FAT4: variants seen among roughly 807,000 people sequenced by gnomAD.
The protein encoded by FAT4 is FAT atypical cadherin 4.
FAT4 carries 84 observed loss-of-function variants against 303.9 expected under a neutral mutation model. The ratio of observed to expected loss-of-function variants is 0.28; its 90% CI spans 0.23 to 0.33. The LOEUF is 0.33. FAT4 is among the 10% of genes least tolerant of loss of function. The pLI is 1.00. For synonymous variants in FAT4, 2,307 were observed against 2,298.8 expected (o/e 1.00, Z -0.10); for missense variants, 6,005 against 6,146.8 (o/e 0.98, Z 0.77).
At chr4:125,486,067 T>C (rs1727399229) in intron 16 of FAT4, among the ~76,000 whole-genome samples, 1 of 152,030 alleles carries the variant, frequency 6.6e-6, no homozygotes, top group Admixed American at 6.6e-5. Context: ...CAAGTGCTCT[T>C]TCATCAAAAA....
chr4:125,429,254 A>G (rs1725200908), intron 7 of FAT4, among the ~76,000 whole-genome samples: 1 of 152,224 alleles, frequency 6.6e-6, no homozygotes. Context: ...TCATCCATGT[A>G]GACCAGGTTT....
At chr4:125,399,036 C>G in intron 3 of FAT4, 121 bp downstream of exon 3, 1 of 795,090 alleles carries the variant, frequency 1.3e-6, no homozygotes, top group Non-Finnish European at 2.0e-6. Context: ...TGCTCCTTTC[C>G]AAAGAACATT....
At chr4:125,421,950 T>C (rs1446142283) in intron 7 of FAT4, among the ~76,000 whole-genome samples, 3 of 152,110 alleles carry the variant, frequency 2.0e-5, no homozygotes, top group African/African-American at 7.2e-5. Flanking sequence ...TATTGCTGAC[T>C]CTCTCCATGA....
At chr4:125,357,100 A>T (rs62321340) in intron 2 of FAT4, among the ~76,000 whole-genome samples, 3 of 152,080 alleles carry the variant, frequency 2.0e-5, no homozygotes, top group Non-Finnish European at 4.4e-5. Flanking sequence ...CATATAATGT[A>T]TTCCATATGT....
intron 11 of FAT4, among the ~76,000 whole-genome samples, chr4:125,466,731 C>T (rs2126074271): frequency 6.7e-6 from 1 of 150,146 alleles, no homozygotes; most frequent in South Asian, 2.1e-4. Context: ...TTTGCCTTTT[C>T]TTCAACTTTG....
intron 2 of FAT4, among the ~76,000 whole-genome samples, chr4:125,337,953 C>G (rs530849116): frequency 1.5e-3 from 221 of 152,174 alleles, no homozygotes; most frequent in Non-Finnish European, 2.8e-3. Context: ...CTTTGAGAAA[C>G]AAAACTTAAA....
Position 125,468,521 on chromosome 4 carries a change from G to A in FAT4, c.11915G>A (p.Gly3972Glu). The change falls in exon 12 of 18, where the codon GGA (glycine) becomes GAA (glutamate). Residue 3972 changes from glycine to glutamate, a missense_variant. Coordinates refer to ENST00000394329, the MANE Select transcript of FAT4 (RefSeq NM_001291303.3). ...ATTTTCCCTCCAACAGGTGTCTTTG[G>A]AAAACACTGCGAGTTGAACAGTTAT... is the stretch of plus-strand genomic sequence containing the variant. Reference protein sequence around the residue: ...YYCHCPFGVFGKHCELNSYGF... With the variant: ...YYCHCPFGVFEKHCELNSYGF... The A allele has an allele frequency of 1.3e-6, 2 of 1,526,280 alleles. No homozygotes were observed. The highest frequency in any genetic ancestry group is 1.7e-4 in the Middle Eastern group (1 of 5,734). 94.5% of individuals were successfully genotyped at this position (1,526,280 alleles called of 1,614,324 possible). A position where few individuals can be genotyped will look rare whatever the true frequency, so the allele number is the denominator to read the frequency against.
At chr4:125,480,209 G>A (rs1199086178) in intron 15 of FAT4, among the ~76,000 whole-genome samples, 1 of 151,600 alleles carries the variant, frequency 6.6e-6, no homozygotes, top group Non-Finnish European at 1.5e-5. Flanking sequence ...TGCCTTTGGG[G>A]GATATTTTTC....
In FAT4 at chr4:125,340,245, A is replaced by G. The variant is rs958644161; in HGVS notation, c.5175+18659A>G. On this transcript the variant is annotated intron_variant, in intron 2 of 17. Coordinates refer to ENST00000394329, the MANE Select transcript of FAT4 (RefSeq NM_001291303.3). The stretch of plus-strand genomic sequence containing the variant: ...GATTAATTCTCAAAACTTAATGTAC[A>G]TGAGACTCTCTTAGGTGGATATTTA... Among the ~76,000 whole-genome samples, 7 of 152,308 alleles carry G rather than the reference A, an allele frequency of 4.6e-5. 1 individual carries two copies. In the South Asian group the frequency reaches 1.2e-3, roughly 27 times the overall value.
chr4:125,424,919 G>A (rs1725037539), intron 7 of FAT4, among the ~76,000 whole-genome samples: 1 of 152,156 alleles, frequency 6.6e-6, no homozygotes, highest in Non-Finnish European at 1.5e-5. Flanking sequence ...ATGAGTCCTA[G>A]AATATTTGGA....
chr4:125,408,903 T>C (rs1734734376), intron 5 of FAT4, 109 bp downstream of exon 5: 2 of 554,182 alleles, frequency 3.6e-6, no homozygotes, highest in Admixed American at 7.0e-5. Context: ...TTTGTGAATA[T>C]AGGTTGGAAG....
intron 11 of FAT4, among the ~76,000 whole-genome samples, chr4:125,467,672 A>G (rs1369677892): frequency 2.6e-5 from 4 of 152,180 alleles, no homozygotes; most frequent in African/African-American, 9.6e-5. Flanking sequence ...AAAGACAGTT[A>G]TTTCCTTTCC....
rs143805783 is a variant in FAT4 at position 125,387,770 on chromosome 4, T to G, written c.5176-11014T>G. 1.6e-3 allele frequency among the ~76,000 whole-genome samples: 243 copies of G among 152,324 alleles called. 1 individual carries two copies. Among genetic ancestry groups the G allele is most frequent in the Non-Finnish European group, 3.0e-3 (203 of 68,018 alleles). On this transcript the variant is annotated intron_variant, in intron 2 of 17. Coordinates refer to ENST00000394329, the MANE Select transcript of FAT4 (RefSeq NM_001291303.3). ...TACAACAGATCAATATACATTAGCT[T>G]TTTACTCTTCTTTGTGCTGCTCATG...
chr4:125,452,779 C>T lies in FAT4; in HGVS notation c.11769C>T (p.Ser3923=), dbSNP rs149607784. 133 of 1,613,156 alleles carry T rather than the reference C, an allele frequency of 8.2e-5. 1 individual carries two copies. The East Asian group carries it at 2.9e-3, about 35-fold the overall frequency. Residue 3923 remains serine (S), a synonymous_variant, in exon 10 of 18, where the codon AGC becomes AGT. Coordinates refer to ENST00000394329, the MANE Select transcript of FAT4 (RefSeq NM_001291303.3). ...CCATCTGCCAGAATTTTCCAGGAAGCTTCAACTGTGTTTGCAAAACTGGAT... is the reference window on the plus strand; with the variant it reads ...CCATCTGCCAGAATTTTCCAGGAAGTTTCAACTGTGTTTGCAAAACTGGAT... ...NGAICQNFPG[S]FNCVCKTGYT...
intron 8 of FAT4, among the ~76,000 whole-genome samples, chr4:125,445,184 G>A (rs146843353): frequency 1.2e-4 from 19 of 152,086 alleles, no homozygotes; most frequent in African/African-American, 3.6e-4. Flanking sequence ...TTCTTTCCCT[G>A]TTTTGCTATC....
chr4:125,368,739 T>G (rs1433939694), intron 2 of FAT4, among the ~76,000 whole-genome samples: 3 of 151,318 alleles, frequency 2.0e-5, no homozygotes, highest in Non-Finnish European at 3.0e-5. Context: ...CTTTTTTTTT[T>G]TGAGAGAGAG....
chr4:125,472,965 G>C (rs1378716751), intron 12 of FAT4, among the ~76,000 whole-genome samples: 1 of 151,932 alleles, frequency 6.6e-6, no homozygotes, highest in Non-Finnish European at 1.5e-5. Flanking sequence ...GTTATAGATG[G>C]TTTTCCATTT....
In FAT4 at chr4:125,433,679, T is replaced by C. The variant is rs139592014; in HGVS notation, c.7019-566T>C. Among the ~76,000 whole-genome samples the C allele has an allele frequency of 1.6e-3, 241 of 152,370 alleles. 2 individuals carry two copies. The highest frequency in any genetic ancestry group is 5.3e-3 in the African/African-American group (219 of 41,592). On this transcript the variant is annotated intron_variant, in intron 7 of 17. Transcript: ENST00000394329. ...ATGATTCTGAGTTAGCTCATCATTA[T>C]GAAGTTATTCTAGCACGTAGAAGAT...
At chr4:125,487,774 A>G (rs1037645941) in intron 17 of FAT4, among the ~76,000 whole-genome samples, 168 bp downstream of exon 17, 1 of 152,246 alleles carries the variant, frequency 6.6e-6, no homozygotes, top group East Asian at 1.9e-4. Context: ...TGATAATATC[A>G]ATTATAAATA....
Sources: allele counts gnomAD v4.1 joint callset (sites outside exome capture counted in the v4.1 genomes callset), GRCh38; gene constraint gnomAD v4.1.1; transcripts MANE v1.5; gene names NCBI Gene and HGNC (gene_info 2026-07-23, HGNC 2026-07-21).